NRXN3: variants seen among roughly 807,000 people sequenced by gnomAD.
NRXN3 encodes neurexin 3.
A neutral mutation model predicts 137.6 loss-of-function variants in NRXN3; 32 were observed. The observed-to-expected ratio is 0.23, with a 90% CI of 0.18 to 0.31. The LOEUF (loss-of-function observed/expected upper bound fraction) is 0.31, where lower values mean the gene tolerates loss of function less well. Ranked by LOEUF, NRXN3 falls within the 10% of genes least tolerant of loss-of-function variation. The pLI, the probability that NRXN3 is intolerant of heterozygous loss-of-function variation, is 1.00. For synonymous variants in NRXN3, 798 were observed against 784.5 expected (o/e 1.02, Z -0.29); for missense variants, 1,574 against 2,062.5 (o/e 0.76, Z 4.59).
intron 19 of NRXN3, among the ~76,000 whole-genome samples, chr14:79,779,531 T>TG (rs1328351935): frequency 5.1e-4 from 78 of 152,318 alleles, no homozygotes; most frequent in African/African-American, 1.7e-3. Context: ...GTCTGGACTT[T>TG]GGGGGTTTTG....
intron 15 of NRXN3, among the ~76,000 whole-genome samples, chr14:79,462,113 C>A (rs2096352167): frequency 6.6e-6 from 1 of 152,144 alleles, no homozygotes; most frequent in Non-Finnish European, 1.5e-5. Flanking sequence ...GTGGCTCATG[C>A]CTGTAATCCC....
At chr14:79,659,503 A>G (rs2098522845) in intron 16 of NRXN3, among the ~76,000 whole-genome samples, 1 of 152,164 alleles carries the variant, frequency 6.6e-6, no homozygotes, top group Non-Finnish European at 1.5e-5. Flanking sequence ...TAAAATTTAC[A>G]TTTATTTTCA....
intron 15 of NRXN3, among the ~76,000 whole-genome samples, chr14:79,079,206 G>A (rs1482551134): frequency 1.3e-5 from 2 of 152,146 alleles, no homozygotes; most frequent in Non-Finnish European, 1.5e-5. Context: ...GAATTACCAG[G>A]CAAACGTTAC....
intron 3 of NRXN3, among the ~76,000 whole-genome samples, chr14:78,279,237 G>GA (rs1209635476): frequency 1.3e-5 from 2 of 152,162 alleles, no homozygotes; most frequent in Non-Finnish European, 2.9e-5. Flanking sequence ...TTTGTCAATG[G>GA]AAAAATTAAA....
intron 4 of NRXN3, among the ~76,000 whole-genome samples, chr14:78,495,084 CTTT>C (rs5809891): frequency 8.6e-6 from 1 of 115,878 alleles, no homozygotes; most frequent in Admixed American, 8.4e-5. Flanking sequence ...ATATTCTTGA[CTTT>C]TTTTTTTTTT....
intron 6 of NRXN3, among the ~76,000 whole-genome samples, chr14:78,652,056 T>C (rs1601906799): frequency 6.6e-6 from 1 of 152,374 alleles, no homozygotes; most frequent in Non-Finnish European, 1.5e-5. Flanking sequence ...GATTTTGTGA[T>C]TTTGACCTGG....
rs1184826321 is a variant in NRXN3, at chr14:79,861,447, C to T, written c.4199C>T (p.Thr1400Ile). 1.3e-6 allele frequency: 2 copies of T among 1,536,690 alleles called. No homozygotes were observed. The highest frequency in any genetic ancestry group is 1.2e-5 in the South Asian group (1 of 84,074). The change falls in exon 21 of 21, where the codon ACT (threonine) becomes ATT (isoleucine). Residue 1400 changes from threonine to isoleucine, a missense_variant. Coordinates refer to ENST00000335750, the MANE Select transcript of NRXN3 (RefSeq NM_001330195.2). The surrounding 1 kb of genome is among the most constrained non-coding windows in gnomAD (Gnocchi z 5.4). ...AACAAAGTCTCCGAAACTAGTAGGA[C>T]TACTACCACATCTTTATCCCCTGAG... ...RPNKVSETSR[T>I]TTTSLSPELI...
intron 14 of NRXN3, 99 bp downstream of exon 14, chr14:78,968,445 T>TG (rs748030375): frequency 1.4e-4 from 149 of 1,090,362 alleles, no homozygotes; most frequent in Admixed American, 1.9e-4. Flanking sequence ...TGACCAGTCC[T>TG]GTCTCATTCT....
At chr14:79,829,751 A>G (rs552338541) in intron 20 of NRXN3, among the ~76,000 whole-genome samples, 2 of 152,310 alleles carry the variant, frequency 1.3e-5, no homozygotes, top group East Asian at 3.9e-4. Context: ...GTGGAATAGA[A>G]CTGAGTTATG....
At chr14:79,124,600 A>T (rs2152932108) in intron 15 of NRXN3, among the ~76,000 whole-genome samples, 1 of 152,238 alleles carries the variant, frequency 6.6e-6, no homozygotes, top group African/African-American at 2.4e-5. Flanking sequence ...AGAACACAAG[A>T]GGATACTGTT....
intron 10 of NRXN3, among the ~76,000 whole-genome samples, chr14:78,853,815 T>C (rs768127810): frequency 6.6e-5 from 10 of 152,168 alleles, no homozygotes; most frequent in Non-Finnish European, 1.3e-4. Context: ...GTCTCCCTAG[T>C]ACCCAAAGTC....
chr14:79,454,293 A>G (rs1253881645), intron 15 of NRXN3, among the ~76,000 whole-genome samples: 2 of 152,086 alleles, frequency 1.3e-5, no homozygotes, highest in Non-Finnish European at 2.9e-5. Context: ...CATGTTGGCC[A>G]CGATGGTCTC....
At chr14:78,760,034 C>CTTTTTTTT (rs61320632) in intron 8 of NRXN3, among the ~76,000 whole-genome samples, 4 of 86,714 alleles carry the variant, frequency 4.6e-5, no homozygotes, top group African/African-American at 5.0e-5. Context: ...AGCCTGCAGT[C>CTTTTTTTT]TTTTTTTTTT....
At chr14:79,325,924 TAAAAAA>T (rs936103671) in intron 15 of NRXN3, among the ~76,000 whole-genome samples, 27 of 151,370 alleles carry the variant, frequency 1.8e-4, no homozygotes, top group Admixed American at 2.6e-4. Context: ...AAGGAAAAAA[TAAAAAA>T]TAAAAAAAAG....
intron 8 of NRXN3, among the ~76,000 whole-genome samples, chr14:78,729,996 C>T (rs2098507130): frequency 6.6e-6 from 1 of 152,138 alleles, no homozygotes; most frequent in Non-Finnish European, 1.5e-5. Flanking sequence ...TCTAAACTGC[C>T]CACCCTCACC....
At chr14:78,669,376 G>C (rs1318153738) in intron 6 of NRXN3, among the ~76,000 whole-genome samples, 1 of 152,100 alleles carries the variant, frequency 6.6e-6, no homozygotes, top group African/African-American at 2.4e-5. Flanking sequence ...TCCATAAAGT[G>C]AAAGCAAATT....
At chr14:78,421,518 T>C (rs914219147) in intron 4 of NRXN3, among the ~76,000 whole-genome samples, 2 of 152,160 alleles carry the variant, frequency 1.3e-5, no homozygotes, top group African/African-American at 4.8e-5. Flanking sequence ...TAAATACAGA[T>C]AGATTTAGGT....
chr14:78,942,163 C>T (rs1032024314), intron 10 of NRXN3, among the ~76,000 whole-genome samples: 1 of 152,186 alleles, frequency 6.6e-6, no homozygotes, highest in Non-Finnish European at 1.5e-5. Context: ...ATATAGACCA[C>T]AGAGTTCTTC....
At chr14:78,375,013 C>T (rs2087558084) in intron 4 of NRXN3, among the ~76,000 whole-genome samples, 1 of 152,152 alleles carries the variant, frequency 6.6e-6, no homozygotes, top group Non-Finnish European at 1.5e-5. Flanking sequence ...AAATGTTTGC[C>T]ATTCTGGCTT....
Sources: allele counts gnomAD v4.1 joint callset (sites outside exome capture counted in the v4.1 genomes callset), GRCh38; gene constraint gnomAD v4.1.1; non-coding constraint Gnocchi (gnomAD v3.1); transcripts MANE v1.5; gene names NCBI Gene and HGNC (gene_info 2026-07-23, HGNC 2026-07-21).